Variants in HK1 observed in about 807,000 individuals in gnomAD.
HK1 encodes hexokinase 1.
HK1 carries 28 observed loss-of-function variants against 91.6 expected under a neutral mutation model. The ratio of observed to expected loss-of-function variants is 0.31; its 90% CI spans 0.23 to 0.42. The LOEUF is 0.42. Among genes scored for constraint, HK1 ranks in the 10% least tolerant of loss-of-function variants. The pLI, the probability that HK1 is intolerant of heterozygous loss-of-function variation, is 1.00. For missense variants in HK1, 770 were observed against 1,219.8 expected (o/e 0.63, Z 5.49); for synonymous variants, 430 against 468.1 (o/e 0.92, Z 1.05).
intron 1 of HK1, among the ~76,000 whole-genome samples, chr10:69,325,874 G>A (rs144613651): frequency 0.029 from 4,373 of 148,856 alleles, 87 homozygotes; most frequent in Middle Eastern, 0.07. Context: ...TTACTCTGTC[G>A]CCTGGGTTGT....
chr10:69,271,992 T>C (rs1266255218), intron 1 of HK1, among the ~76,000 whole-genome samples: 2 of 152,014 alleles, frequency 1.3e-5, no homozygotes, highest in African/African-American at 2.4e-5. Context: ...GCCTCCCGAG[T>C]AGCTGGGATT....
At chr10:69,328,485 C>A (rs1396943122) in intron 1 of HK1, among the ~76,000 whole-genome samples, 1 of 152,168 alleles carries the variant, frequency 6.6e-6, no homozygotes, top group Non-Finnish European at 1.5e-5. Context: ...ATGTACTGTG[C>A]TAAAGGCATC....
At chr10:69,308,877 G>A (rs1846227104) in intron 5 of HK1, among the ~76,000 whole-genome samples, 1 of 152,186 alleles carries the variant, frequency 6.6e-6, no homozygotes, top group Non-Finnish European at 1.5e-5. Context: ...GATCTGACAG[G>A]AGACAGAGCT....
At chr10:69,376,434 G>A (rs923148463) in intron 7 of HK1, among the ~76,000 whole-genome samples, 2 of 152,144 alleles carry the variant, frequency 1.3e-5, no homozygotes, top group Non-Finnish European at 2.9e-5. Context: ...AGCCCAGGAG[G>A]TTGAGGCTGC....
At chr10:69,332,356 A>AG in intron 1 of HK1, among the ~76,000 whole-genome samples, 1 of 127,144 alleles carries the variant, frequency 7.9e-6, no homozygotes, top group African/African-American at 3.2e-5. Flanking sequence ...CCTAGGCCTC[A>AG]TTTTCTTTCT....
chr10:69,347,547 G>C (rs574131162), intron 2 of HK1, among the ~76,000 whole-genome samples: 2 of 151,480 alleles, frequency 1.3e-5, no homozygotes, highest in South Asian at 4.2e-4. Flanking sequence ...GCAATTCTCC[G>C]GCTTCAACTT....
rs200746960 is a variant in HK1, at chr10:69,364,756, C to G, written c.376-27C>G. 74 of 1,614,052 alleles carry G rather than the reference C, an allele frequency of 4.6e-5. 1 individual carries two copies. In the East Asian group the frequency reaches 1.6e-3, roughly 35 times the overall value. On this transcript the variant is annotated intron_variant, in intron 3 of 17. Transcript: ENST00000359426. ...GAAATGCTAAGCCTGCTTTGGGGCC[C>G]CCTGACTGCTCTCATGTTTCCTTCA...
At chr10:69,346,059 C>A (rs989771933) in intron 2 of HK1, among the ~76,000 whole-genome samples, 3 of 149,904 alleles carry the variant, frequency 2.0e-5, no homozygotes, top group African/African-American at 7.4e-5. Flanking sequence ...ATACCCAACC[C>A]CCAGTCCACT....
intron 2 of HK1, among the ~76,000 whole-genome samples, chr10:69,345,380 G>A (rs72805701): frequency 6.6e-6 from 1 of 152,056 alleles, no homozygotes; most frequent in African/African-American, 2.4e-5. Flanking sequence ...GGGTGTGTTC[G>A]CTTGTCTCTG....
intron 5 of HK1, among the ~76,000 whole-genome samples, chr10:69,310,150 G>A (rs980692879): frequency 3.5e-4 from 53 of 150,470 alleles, no homozygotes; most frequent in Non-Finnish European, 6.6e-4. Flanking sequence ...GCCAGGCATG[G>A]TGGCTCACAC....
Position 69,369,461 on chromosome 10 carries a change from T to C in HK1, c.712T>C (p.Tyr238His), listed in dbSNP as rs1302953210. 6.8e-6 allele frequency: 11 copies of C among 1,614,080 alleles called. No individual in the cohort carries two copies. The highest frequency in any genetic ancestry group is 9.3e-6 in the Non-Finnish European group (11 of 1,180,040). ...CCCAGGCACTGGCACCAATGCTTGCTACATGGAGGAACTGAGGCACATTGA... is the reference window on the plus strand; with the variant it reads ...CCCAGGCACTGGCACCAATGCTTGCCACATGGAGGAACTGAGGCACATTGA... The part of the protein sequence containing the change: ...LIIGTGTNAC[Y>H]MEELRHIDLV... The change falls in exon 7 of 18, where the codon TAC (tyrosine) becomes CAC (histidine). Residue 238 changes from tyrosine (Y) to histidine (H), a missense_variant. This residue lies in a region of HK1 where 449 missense variants were observed against 665.1 expected (regional missense o/e 0.68). Transcript: ENST00000359426. This position sits in a 1 kb window ranked among gnomAD's most constrained non-coding sequence, Gnocchi z 4.4.
intron 2 of HK1, among the ~76,000 whole-genome samples, chr10:69,358,202 G>A (rs1444743598): frequency 2.0e-5 from 3 of 152,140 alleles, no homozygotes; most frequent in Admixed American, 6.5e-5. Flanking sequence ...TTAGCATCAC[G>A]AGTGAAACAT....
At chr10:69,295,369 C>T (rs1335500297) in intron 3 of HK1, among the ~76,000 whole-genome samples, 4 of 152,222 alleles carry the variant, frequency 2.6e-5, no homozygotes, top group African/African-American at 9.6e-5. Flanking sequence ...ATCTTGGACT[C>T]TCCAGCTTCC....
chr10:69,330,748 G>A (rs1390782288), intron 1 of HK1, among the ~76,000 whole-genome samples: 6 of 152,058 alleles, frequency 3.9e-5, no homozygotes, highest in Admixed American at 3.9e-4. Flanking sequence ...AACAAACAGG[G>A]CCTGCCAAGT....
In HK1 at chr10:69,369,746, A is replaced by AT. The variant is rs373505118; in HGVS notation, c.875+132dup. 13,451 of 841,558 alleles carry AT rather than the reference A, an allele frequency of 0.016. 2 individuals are homozygous for AT. Among genetic ancestry groups the AT allele is most frequent in the Non-Finnish European group, 0.019 (10,515 of 555,084 alleles). 52.1% of individuals were successfully genotyped at this position (841,558 alleles called of 1,614,324 possible). On this transcript the variant is annotated intron_variant, in intron 7 of 17. Coordinates refer to ENST00000359426, the MANE Select transcript of HK1 (RefSeq NM_000188.3). The surrounding 1 kb of genome is among the most constrained non-coding windows in gnomAD (Gnocchi z 4.4). ...GATCACAAACAGAAAAGCCTGTCAC[A>AT]TTTTTTTTTTGAGGCGGAGTCTTGC... is the stretch of plus-strand genomic sequence containing the variant.
At chr10:69,304,732 G>C (rs1379324461) in intron 5 of HK1, among the ~76,000 whole-genome samples, 1 of 152,214 alleles carries the variant, frequency 6.6e-6, no homozygotes, top group African/African-American at 2.4e-5. Flanking sequence ...ATCTTTCACT[G>C]TCTCAGTAAT....
intron 4 of HK1, among the ~76,000 whole-genome samples, chr10:69,365,359 T>A (rs1849647078): frequency 6.6e-6 from 1 of 152,028 alleles, no homozygotes; most frequent in Non-Finnish European, 1.5e-5. Flanking sequence ...AGGGATGCCC[T>A]TGGCGACCTC....
chr10:69,283,575 G>A (rs959958012), intron 2 of HK1, among the ~76,000 whole-genome samples: 1 of 151,590 alleles, frequency 6.6e-6, no homozygotes, highest in Non-Finnish European at 1.5e-5. Flanking sequence ...GAGGTCAGGA[G>A]TTCGAGACCA....
chr10:69,393,063 C>T (rs1441794807), intron 15 of HK1, among the ~76,000 whole-genome samples: 1 of 152,216 alleles, frequency 6.6e-6, no homozygotes, highest in African/African-American at 2.4e-5. Flanking sequence ...CTCACCACAA[C>T]CTCCACCTCC....
Sources: gnomAD v4.1 joint callset for allele counts (sites outside exome capture counted in the v4.1 genomes callset) on GRCh38, gnomAD v4.1.1 for gene constraint, gnomAD v4.1.1 regional missense constraint, Gnocchi (gnomAD v3.1) non-coding constraint, MANE v1.5 for transcripts, NCBI Gene and HGNC (gene_info 2026-07-23, HGNC 2026-07-21) for gene names.